The following AP1G1 variants were observed in gnomAD, a reference collection of about 807,000 sequenced individuals.
AP1G1 encodes the protein adaptor related protein complex 1 subunit gamma 1.
A neutral mutation model predicts 108.3 loss-of-function variants in AP1G1; 7 were observed. The observed-to-expected ratio is 0.06, with a 90% CI of 0.04 to 0.12. The LOEUF is 0.12. AP1G1 is among the 10% of genes least tolerant of loss of function. AP1G1 has a pLI of 1.00. For synonymous variants in AP1G1, 379 were observed against 353.5 expected, an observed-to-expected ratio of 1.07 and a Z score of -0.81; for missense variants, 756 against 1,010.7, an observed-to-expected ratio of 0.75 and a Z score of 3.42.
intron 11 of AP1G1, chr16:71,758,507 G>C (rs758504001): frequency 7.2e-6 from 4 of 557,676 alleles, no homozygotes; most frequent in South Asian, 1.4e-5. Flanking sequence ...ACCTCCACTA[G>C]GTAAACTTTT....
Position 71,750,282 on chromosome 16 carries a change from T to C in AP1G1, c.1335A>G (p.Ile445Met). Residue 445 changes from isoleucine to methionine, a missense_variant, in exon 14 of 23, where the codon ATA (isoleucine) becomes ATG (methionine). By Grantham distance (10) the Ile-to-Met change is conservative. Coordinates refer to ENST00000299980, the MANE Select transcript of AP1G1 (RefSeq NM_001128.6). ...AGGCATGCATCTCCACACTATTAGTTATTAACTGGATTAAATTGGGGACTG... is the reference window on the plus strand; with the variant it reads ...AGGCATGCATCTCCACACTATTAGTCATTAACTGGATTAAATTGGGGACTG... Reference protein sequence around the residue: ...DDAVPNLIQLITNSVEMHAYT... With the variant: ...DDAVPNLIQLMTNSVEMHAYT... 6.2e-7 allele frequency: 1 copy of C among 1,614,116 alleles called. No individual in the cohort carries two copies. The highest frequency in any genetic ancestry group is 8.5e-7 in the Non-Finnish European group (1 of 1,179,984).
At chr16:71,746,127 A>G (rs2030164774) in intron 17 of AP1G1, among the ~76,000 whole-genome samples, 2 of 152,222 alleles carry the variant, frequency 1.3e-5, no homozygotes, top group Admixed American at 6.5e-5. Flanking sequence ...CTCCTGCTTC[A>G]GCCTCTCGAG....
intron 16 of AP1G1, 113 bp from the exon 17 acceptor site, chr16:71,746,805 TTTC>T (rs758252022): frequency 2.9e-6 from 2 of 692,232 alleles, no homozygotes; most frequent in Non-Finnish European, 4.7e-6. Context: ...ATACTCATTT[TTTC>T]TTAATTTATA....
intron 1 of AP1G1, chr16:71,806,554 A>T: frequency 2.2e-6 from 1 of 458,062 alleles, no homozygotes; most frequent in Non-Finnish European, 3.5e-6. Flanking sequence ...AATGACATTT[A>T]AATACCAATA....
intron 21 of AP1G1, among the ~76,000 whole-genome samples, chr16:71,736,652 C>G (rs2045550679): frequency 6.6e-6 from 1 of 150,534 alleles, no homozygotes; most frequent in Non-Finnish European, 1.5e-5. Flanking sequence ...GTGGGGTGAT[C>G]TCGGCTCACT....
At chr16:71,736,305 A>C (rs2145410564) in intron 21 of AP1G1, among the ~76,000 whole-genome samples, 1 of 149,424 alleles carries the variant, frequency 6.7e-6, no homozygotes, top group East Asian at 1.9e-4. Context: ...TTATGACAAG[A>C]TACCAATTTT....
chr16:71,802,118 A>C (rs1334950937), intron 1 of AP1G1, among the ~76,000 whole-genome samples: 2 of 152,212 alleles, frequency 1.3e-5, no homozygotes, highest in Non-Finnish European at 2.9e-5. Context: ...GAGCTAACTT[A>C]TATAAATGAT....
At chr16:71,801,354 CAT>C (rs1482895710) in intron 1 of AP1G1, among the ~76,000 whole-genome samples, 1 of 148,964 alleles carries the variant, frequency 6.7e-6, no homozygotes, top group Non-Finnish European at 1.5e-5. Flanking sequence ...AAAAGCGTGT[CAT>C]AGAGTAATAT....
At chr16:71,744,997 C>T (rs920215354) in intron 19 of AP1G1, 147 bp downstream of exon 19, 4 of 825,732 alleles carry the variant, frequency 4.8e-6, no homozygotes, top group Admixed American at 2.6e-5. Context: ...ACATATAACC[C>T]GGATATTGTG....
At chr16:71,771,770 C>G (rs1204066816) in intron 4 of AP1G1, among the ~76,000 whole-genome samples, 1 of 152,098 alleles carries the variant, frequency 6.6e-6, no homozygotes, top group African/African-American at 2.4e-5. Flanking sequence ...GATAATCATA[C>G]CTCTGAGTAA....
chr16:71,805,830 G>A (rs1249532941), intron 1 of AP1G1, among the ~76,000 whole-genome samples: 1 of 152,114 alleles, frequency 6.6e-6, no homozygotes, highest in Non-Finnish European at 1.5e-5. Context: ...AGCCCAGCCT[G>A]GGCAACATGA....
At chr16:71,803,513 G>GT (rs533339127) in intron 1 of AP1G1, among the ~76,000 whole-genome samples, 1 of 151,796 alleles carries the variant, frequency 6.6e-6, no homozygotes. Flanking sequence ...TGGCAAGTGA[G>GT]TTTTTTTTCT....
At chr16:71,768,784 A>C (rs1054338704) in intron 6 of AP1G1, among the ~76,000 whole-genome samples, 2 of 150,634 alleles carry the variant, frequency 1.3e-5, no homozygotes, top group African/African-American at 4.9e-5. Context: ...GCGTGGTGCC[A>C]GGCACCTGCA....
chr16:71,750,753 C>G (rs1360642088), intron 13 of AP1G1, among the ~76,000 whole-genome samples: 3 of 152,030 alleles, frequency 2.0e-5, no homozygotes. Flanking sequence ...CCAGAAAACA[C>G]CCTCAAAGAT....
chr16:71,756,809 G>C lies in AP1G1; in HGVS notation c.1089-650C>G, dbSNP rs1014217705. ...ATACAAAAATTAGCCGGGCATGGTG[G>C]TGGGCGCCTGTAGTCCCAGGTACTA... On this transcript the variant is annotated intron_variant, in intron 11 of 22. Coordinates refer to ENST00000299980, the MANE Select transcript of AP1G1 (RefSeq NM_001128.6). Among the ~76,000 whole-genome samples, 3 of 151,970 alleles carry C rather than the reference G, an allele frequency of 2.0e-5. No homozygotes were observed. In the South Asian group the frequency reaches 6.2e-4, roughly 32 times the overall value.
At position 71,738,863 on chromosome 16, in the gene AP1G1, A is replaced by T. The variant is rs2045583348; in HGVS notation, c.2268+79T>A. The stretch of plus-strand genomic sequence containing the variant: ...ATTTAATCTGTAAACATTAAAACAT[A>T]TCCTTTACCAAACACATGAAAAAAA... On this transcript the variant is annotated intron_variant, in intron 21 of 22. Transcript: ENST00000299980. 22 of 1,294,064 alleles carry T rather than the reference A, an allele frequency of 1.7e-5. 1 individual carries two copies. In the South Asian group the frequency reaches 2.9e-4, roughly 17 times the overall value. The allele number at this position is 1,294,064 out of a possible 1,614,324, so 80.2% of individuals were successfully genotyped here. A position where few individuals can be genotyped will look rare whatever the true frequency, so the allele number is the denominator to read the frequency against.
chr16:71,807,836 G>T (rs534963243), intron 1 of AP1G1: 2 of 1,289,018 alleles, frequency 1.6e-6, no homozygotes, highest in South Asian at 2.5e-5. Context: ...ACAGATTTCC[G>T]TGCTCAGGGA....
intron 11 of AP1G1, among the ~76,000 whole-genome samples, chr16:71,757,512 A>C (rs1291092662): frequency 6.6e-6 from 1 of 152,208 alleles, no homozygotes; most frequent in East Asian, 1.9e-4. Flanking sequence ...AGTAGCAAAA[A>C]ATTCAATCCT....
chr16:71,794,835 C>CCTTTTTT lies in AP1G1; in HGVS notation c.-3-5354_-3-5353insAAAAAAG, dbSNP rs574266046. ...TACCATTCTCAGGCCATGAGAAGTG[C>CCTTTTTT]TTTTTTTTTTTTTTTTTTTTTTTTT... On this transcript the variant is annotated intron_variant, in intron 1 of 22. Coordinates refer to ENST00000299980, the MANE Select transcript of AP1G1 (RefSeq NM_001128.6). Among the ~76,000 whole-genome samples the CCTTTTTT allele has an allele frequency of 3.0e-4, 12 of 39,662 alleles. No individual in the cohort carries two copies. The South Asian group carries it at 0.014, about 46-fold the overall frequency. The allele number at this position is 39,662 out of a possible 152,430, so 26.0% of individuals were successfully genotyped here.
Sources: gnomAD v4.1 joint callset for allele counts (sites outside exome capture counted in the v4.1 genomes callset) on GRCh38, gnomAD v4.1.1 for gene constraint, MANE v1.5 for transcripts, NCBI Gene and HGNC (gene_info 2026-07-23, HGNC 2026-07-21) for gene names.